Variants in ATG7 observed in about 807,000 individuals in gnomAD.
ATG7 encodes ubiquitin-like modifier-activating enzyme ATG7.
A neutral mutation model predicts 82.4 loss-of-function variants in ATG7; 70 were observed. That is an observed-to-expected ratio of 0.85 (90% CI 0.70 to 1.04). ATG7 has a LOEUF of 1.04. Ranked by LOEUF, ATG7 falls within the 50% of genes least tolerant of loss-of-function variation. The pLI is 0.00. For synonymous variants in ATG7, 287 were observed against 313.0 expected (o/e 0.92, Z 0.88); for missense variants, 792 against 864.3 (o/e 0.92, Z 1.05).
At chr3:11,392,190 A>T (rs1351820537) in intron 19 of ATG7, among the ~76,000 whole-genome samples, 10 of 152,132 alleles carry the variant, frequency 6.6e-5, no homozygotes, top group African/African-American at 2.4e-4. Context: ...AGAGTTTAAA[A>T]GCTTTTTCTC....
At chr3:11,430,839 C>G (rs540518820) in intron 20 of ATG7, among the ~76,000 whole-genome samples, 3 of 152,224 alleles carry the variant, frequency 2.0e-5, no homozygotes, top group Non-Finnish European at 4.4e-5. Context: ...AAAAGCTTCA[C>G]AGGAAGAGAA....
At chr3:11,551,317 T>C (rs2071758234) in intron 20 of ATG7, among the ~76,000 whole-genome samples, 1 of 152,218 alleles carries the variant, frequency 6.6e-6, no homozygotes, top group African/African-American at 2.4e-5. Flanking sequence ...CCACATAGCC[T>C]AGAACCAGCT....
rs548129816 is a variant in ATG7 at position 11,462,777 on chromosome 3, A to G, written c.2079+35851A>G. ...TTCCCAGCTAGAAAGGTTTTTTAAA[A>G]GATGTTCAAACATCGTAACATACAT... On this transcript the variant is annotated intron_variant, in intron 20 of 20. Transcript: ENST00000693202. Among the ~76,000 whole-genome samples, 9 of 152,282 alleles carry G rather than the reference A, an allele frequency of 5.9e-5. No homozygotes were observed. The South Asian group carries it at 1.4e-3, about 25-fold the overall frequency.
At chr3:11,467,384 C>T (rs1368237083) in intron 20 of ATG7, among the ~76,000 whole-genome samples, 8 of 152,146 alleles carry the variant, frequency 5.3e-5, no homozygotes, top group Middle Eastern at 3.4e-3. Flanking sequence ...TGTTTTGTTT[C>T]GTTTTGTTTT....
Position 11,556,929 on chromosome 3 carries a change from G to A in ATG7, c.*2086G>A, listed in dbSNP as rs1311908151. On this transcript the variant is annotated 3_prime_UTR_variant, in exon 21 of 21. Coordinates refer to ENST00000693202, the MANE Select transcript of ATG7 (RefSeq NM_001349232.2). ...TTTCAAAGGCCTGCAGCCACTCTGT[G>A]ACTACAAGAGCCAGTCCTCCGACCT... 6.5e-6 allele frequency: 1 copy of A among 152,754 alleles called. No homozygotes were observed. The highest frequency in any genetic ancestry group is 1.9e-4 in the East Asian group (1 of 5,320). 9.5% of individuals were successfully genotyped at this position (152,754 alleles called of 1,614,324 possible). A position where few individuals can be genotyped will look rare whatever the true frequency, so the allele number is the denominator to read the frequency against.
At chr3:11,439,711 G>GT (rs933966405) in intron 20 of ATG7, among the ~76,000 whole-genome samples, 3 of 152,212 alleles carry the variant, frequency 2.0e-5, no homozygotes, top group Admixed American at 6.5e-5. Context: ...GAAGAGTTAG[G>GT]TTTTGAGGTG....
Position 11,457,441 on chromosome 3 carries a change from A to G in ATG7, c.2079+30515A>G, listed in dbSNP as rs940415601. On this transcript the variant is annotated intron_variant, in intron 20 of 20. Coordinates refer to ENST00000693202, the MANE Select transcript of ATG7 (RefSeq NM_001349232.2). Reference sequence around the variant, plus strand: ...TATCTGAAATGGGAATTTCAAGTGAAAGATAACTGGAGTCTCTTCTTGGGG... The same window carrying G: ...TATCTGAAATGGGAATTTCAAGTGAGAGATAACTGGAGTCTCTTCTTGGGG... 3.9e-5 allele frequency among the ~76,000 whole-genome samples: 6 copies of G among 152,152 alleles called. No homozygotes were observed. In the East Asian group the frequency reaches 1.2e-3, roughly 29 times the overall value.
chr3:11,405,603 TAA>T (rs1559552280), intron 19 of ATG7, among the ~76,000 whole-genome samples: 27 of 152,176 alleles, frequency 1.8e-4, no homozygotes, highest in Non-Finnish European at 3.7e-4. Flanking sequence ...TTACAAGTAG[TAA>T]GTATGTAGCA....
chr3:11,455,990 A>G (rs571905832), intron 20 of ATG7, among the ~76,000 whole-genome samples: 5 of 152,292 alleles, frequency 3.3e-5, no homozygotes, highest in African/African-American at 9.6e-5. Flanking sequence ...TTTAGATGTA[A>G]TTCATATGCC....
At chr3:11,317,508 T>C (rs1367136200) in intron 9 of ATG7, among the ~76,000 whole-genome samples, 1 of 152,172 alleles carries the variant, frequency 6.6e-6, no homozygotes, top group South Asian at 2.1e-4. Flanking sequence ...TTAATTAGTA[T>C]CTGCATTTTC....
intron 19 of ATG7, among the ~76,000 whole-genome samples, chr3:11,407,458 A>T (rs1056021225): frequency 6.6e-6 from 1 of 152,182 alleles, no homozygotes; most frequent in Non-Finnish European, 1.5e-5. Flanking sequence ...TGAGGTCTAG[A>T]GGACAGTGGC....
intron 20 of ATG7, among the ~76,000 whole-genome samples, chr3:11,528,041 G>A (rs2092620056): frequency 6.6e-6 from 1 of 152,344 alleles, no homozygotes; most frequent in South Asian, 2.1e-4. Flanking sequence ...TCACCCACGT[G>A]TGGTCCCTTC....
intron 13 of ATG7, among the ~76,000 whole-genome samples, chr3:11,346,065 T>A (rs144688287): frequency 1.2e-3 from 177 of 152,344 alleles, no homozygotes; most frequent in African/African-American, 4.0e-3. Context: ...GAGGCCTTTT[T>A]ATTTTTTGGG....
At chr3:11,517,908 G>A (rs1016537794) in intron 20 of ATG7, among the ~76,000 whole-genome samples, 2 of 152,262 alleles carry the variant, frequency 1.3e-5, no homozygotes, top group Admixed American at 1.3e-4. Flanking sequence ...GGTGTGATCA[G>A]ATTCCTACTT....
intron 18 of ATG7, among the ~76,000 whole-genome samples, chr3:11,370,426 T>C (rs1206352876): frequency 2.0e-5 from 3 of 151,256 alleles, no homozygotes; most frequent in Non-Finnish European, 4.4e-5. Flanking sequence ...GGTTTTGCAA[T>C]TGCTACACTC....
At chr3:11,564,805 G>A in the ATG7 span, 33 of 1,555,842 alleles carry the variant, frequency 2.1e-5, no homozygotes, top group African/African-American at 4.1e-5. Context: ...ACCTGCTGCC[G>A]CTCCCCCGGG....
chr3:11,370,497 T>C (rs2152828857), intron 18 of ATG7, among the ~76,000 whole-genome samples: 1 of 151,376 alleles, frequency 6.6e-6, no homozygotes, highest in African/African-American at 2.4e-5. Flanking sequence ...ATCTGGAGTT[T>C]GGAGTTAGTT....
the ATG7 span, among the ~76,000 whole-genome samples, chr3:11,574,208 C>T: frequency 2.6e-5 from 4 of 152,188 alleles, no homozygotes; most frequent in Non-Finnish European, 4.4e-5. Context: ...TTCCCTAGGC[C>T]GTACCCACCC....
chr3:11,360,579 A>T lies in ATG7; in HGVS notation c.1480-2A>T, dbSNP rs1575691988. 6.2e-7 allele frequency: 1 copy of T among 1,612,364 alleles called. No individual in the cohort carries two copies. ...TGCTCTTTCATTCCTTGAAACCTGC[A>T]GCTGGTCATCAATGCTGCTTTGGGA... On this transcript the variant is annotated splice_acceptor_variant, in intron 15 of 20. Coordinates refer to ENST00000693202, the MANE Select transcript of ATG7 (RefSeq NM_001349232.2). LOFTEE classifies it high-confidence loss of function.
Sources: gnomAD v4.1 joint callset for allele counts (sites outside exome capture counted in the v4.1 genomes callset) on GRCh38, gnomAD v4.1.1 for gene constraint, MANE v1.5 for transcripts, NCBI Gene and HGNC (gene_info 2026-07-23, HGNC 2026-07-21) for gene names.